ZNF722: variants seen among roughly 807,000 people sequenced by gnomAD.
ZNF722 encodes the protein zinc finger protein 479 pseudogene.
At chr7:64,005,155 C>T in the ZNF722 span, among the ~76,000 whole-genome samples, 1 of 152,016 alleles carries the variant, frequency 6.6e-6, no homozygotes, top group Non-Finnish European at 1.5e-5. Context: ...AAAAATCAGC[C>T]AGGCATGGTG....
the ZNF722 span, chr7:63,999,087 G>C: frequency 7.0e-7 from 1 of 1,433,184 alleles, no homozygotes; most frequent in Non-Finnish European, 9.8e-7. Context: ...AAACTTCCTC[G>C]CAGTCAGCTC....
chr7:64,001,896 A>G, the ZNF722 span, among the ~76,000 whole-genome samples: 1 of 151,840 alleles, frequency 6.6e-6, no homozygotes, highest in African/African-American at 2.4e-5. Flanking sequence ...ATATATATAT[A>G]TTTTTAAGAT....
the ZNF722 span, among the ~76,000 whole-genome samples, chr7:64,000,149 T>TGA: frequency 7.5e-5 from 11 of 146,604 alleles, no homozygotes; most frequent in East Asian, 2.3e-3. Flanking sequence ...TGTGTGTGTG[T>TGA]GACAGAGTTT....
At chr7:64,003,793 G>T in the ZNF722 span, among the ~76,000 whole-genome samples, 1 of 152,128 alleles carries the variant, frequency 6.6e-6, no homozygotes, top group African/African-American at 2.4e-5. Flanking sequence ...CATTGTAGCT[G>T]TTGAACATGA....
At chr7:64,016,962 TAATA>T in the ZNF722 span, among the ~76,000 whole-genome samples, 2 of 152,230 alleles carry the variant, frequency 1.3e-5, no homozygotes, top group Non-Finnish European at 2.9e-5. Context: ...GCAAAACTTT[TAATA>T]AATTCTCACA....
the ZNF722 span, among the ~76,000 whole-genome samples, chr7:64,011,707 G>A: frequency 7.9e-5 from 12 of 152,040 alleles, no homozygotes; most frequent in Admixed American, 7.2e-4. Context: ...CAACTTTGGT[G>A]AATCTGACAA....
the ZNF722 span, among the ~76,000 whole-genome samples, chr7:64,014,608 T>C: frequency 5.9e-5 from 9 of 152,142 alleles, no homozygotes; most frequent in Non-Finnish European, 1.3e-4. Flanking sequence ...TATTTCTTAT[T>C]ACTGGTCAAT....
the ZNF722 span, among the ~76,000 whole-genome samples, chr7:64,007,547 C>T: frequency 4.6e-5 from 7 of 152,000 alleles, no homozygotes; most frequent in Non-Finnish European, 8.8e-5. Context: ...CAGCTTCATC[C>T]GTGTCCATAC....
chr7:64,005,965 A>G, the ZNF722 span, among the ~76,000 whole-genome samples: 1 of 152,292 alleles, frequency 6.6e-6, no homozygotes, highest in South Asian at 2.1e-4. Context: ...TGCAATTCCA[A>G]AAATGTCATG....
chr7:64,012,565 G>A, the ZNF722 span, among the ~76,000 whole-genome samples: 1 of 152,222 alleles, frequency 6.6e-6, no homozygotes, highest in Non-Finnish European at 1.5e-5. Context: ...CTTCCACCTT[G>A]GCCTCGCAAA....
At chr7:64,015,327 A>G in the ZNF722 span, 1 of 1,360,614 alleles carries the variant, frequency 7.3e-7, no homozygotes, top group Non-Finnish European at 1.0e-6. Context: ...TTTCAAATGT[A>G]AAAAATATGG....
chr7:64,002,511 T>C, the ZNF722 span, among the ~76,000 whole-genome samples: 5 of 152,214 alleles, frequency 3.3e-5, no homozygotes, highest in Non-Finnish European at 7.3e-5. Context: ...AATTGTATCA[T>C]TTCATATGTT....
chr7:64,010,370 G>C, the ZNF722 span, among the ~76,000 whole-genome samples: 1 of 152,050 alleles, frequency 6.6e-6, no homozygotes, highest in African/African-American at 2.4e-5. Flanking sequence ...GCTTTCTCTT[G>C]TGGGCATTTA....
At chr7:64,015,743 A>G in the ZNF722 span, 12 of 1,613,570 alleles carry the variant, frequency 7.4e-6, no homozygotes, top group African/African-American at 1.3e-5. Flanking sequence ...AACCCTACAC[A>G]TGTGAAGAAT....
At chr7:63,998,849 C>G in the ZNF722 span, 5 of 1,258,914 alleles carry the variant, frequency 4.0e-6, 1 homozygote, top group African/African-American at 3.0e-5. Flanking sequence ...TTTGCGGGTC[C>G]TTTTGTGCTT....
chr7:64,002,466 T>C, the ZNF722 span, among the ~76,000 whole-genome samples: 1 of 152,212 alleles, frequency 6.6e-6, no homozygotes, highest in Non-Finnish European at 1.5e-5. Context: ...TATTTACAAA[T>C]AGCCATTTCG....
At chr7:64,016,395 C>G in the ZNF722 span, among the ~76,000 whole-genome samples, 2 of 151,768 alleles carry the variant, frequency 1.3e-5, no homozygotes, top group Non-Finnish European at 2.9e-5. Context: ...GCCTCAGCCT[C>G]CCAAAACCTA....
chr7:64,015,530 C>T, the ZNF722 span: 56 of 1,613,220 alleles, frequency 3.5e-5, no homozygotes, highest in African/African-American at 7.1e-4. Context: ...GGCCCTCAAA[C>T]CTTACTAGAC....
At chr7:64,003,254 A>G in the ZNF722 span, among the ~76,000 whole-genome samples, 1 of 151,490 alleles carries the variant, frequency 6.6e-6, no homozygotes, top group Non-Finnish European at 1.5e-5. Context: ...AAAGAAACTT[A>G]TATTTTAATA....
Sources: allele counts gnomAD v4.1 joint callset (sites outside exome capture counted in the v4.1 genomes callset), GRCh38; gene constraint gnomAD v4.1.1; transcripts MANE v1.5; gene names NCBI Gene and HGNC (gene_info 2026-07-23, HGNC 2026-07-21).